The following UNC13B variants were observed in gnomAD, a reference collection of about 807,000 sequenced individuals.
The protein encoded by UNC13B is unc-13 homolog B.
Under a neutral mutation model 211.0 loss-of-function variants are expected in UNC13B, and 144 were observed. The ratio of observed to expected loss-of-function variants is 0.68; its 90% confidence interval spans 0.60 to 0.78. The LOEUF (loss-of-function observed/expected upper bound fraction) is 0.78, where lower values mean the gene tolerates loss of function less well. Among genes scored for constraint, UNC13B ranks in the 30% least tolerant of loss-of-function variants. The pLI is 0.00. For synonymous variants in UNC13B, 709 were observed against 725.8 expected, an observed-to-expected ratio of 0.98 and a Z score of 0.37; for missense variants, 1,777 against 2,002.0, an observed-to-expected ratio of 0.89 and a Z score of 2.14.
At chr9:35,351,990 G>A (rs1193637850) in intron 11 of UNC13B, 35 of 1,232,250 alleles carry the variant, frequency 2.8e-5, no homozygotes, top group South Asian at 4.1e-5. Context: ...GGCATCAGCC[G>A]TCTTCAGACT....
rs1378755782 is a variant in UNC13B, at chr9:35,403,911, A to G, written c.12901A>G (p.Ile4301Val). Residue 4301 changes from isoleucine to valine, a missense_variant, in exon 40 of 40, where the codon ATC (isoleucine) becomes GTC (valine). Transcript: ENST00000635942. Reference protein sequence around the residue: ...CACWCPLGRKIHMDETGLTIL... With the variant: ...CACWCPLGRKVHMDETGLTIL... ...CTGCTGGTGCCCCTTGGGCCGGAAGATCCATATGGATGAGACAGGCCTGAC... is the reference window on the plus strand; with the variant it reads ...CTGCTGGTGCCCCTTGGGCCGGAAGGTCCATATGGATGAGACAGGCCTGAC... 6.2e-7 allele frequency: 1 copy of G among 1,614,104 alleles called. No individual in the cohort carries two copies. Among genetic ancestry groups the G allele is most frequent in the Admixed American group, 1.7e-5 (1 of 60,018 alleles).
chr9:35,328,162 AG>A (rs1831127532), intron 11 of UNC13B, among the ~76,000 whole-genome samples: 1 of 152,140 alleles, frequency 6.6e-6, no homozygotes, highest in Non-Finnish European at 1.5e-5. Flanking sequence ...CTGGGACTAC[AG>A]GCATGTGCCA....
intron 18 of UNC13B, 90 bp from the exon 19 acceptor site, chr9:35,381,010 C>A: frequency 7.7e-7 from 1 of 1,290,568 alleles, no homozygotes; most frequent in Non-Finnish European, 1.1e-6. Context: ...CTTGGGTTGG[C>A]CCCTTCTCTT....
chr9:35,201,012 C>G (rs1189633752), intron 1 of UNC13B, among the ~76,000 whole-genome samples: 1 of 152,134 alleles, frequency 6.6e-6, no homozygotes, highest in Non-Finnish European at 1.5e-5. Flanking sequence ...TATGTCCCAT[C>G]AGTACCTAAT....
At chr9:35,198,930 A>G (rs528335902) in intron 1 of UNC13B, among the ~76,000 whole-genome samples, 3 of 152,286 alleles carry the variant, frequency 2.0e-5, no homozygotes, top group South Asian at 4.1e-4. Context: ...TTACATATGT[A>G]TACATGTGCC....
chr9:35,291,940 C>T (rs1389335039), intron 7 of UNC13B, among the ~76,000 whole-genome samples: 2 of 152,064 alleles, frequency 1.3e-5, no homozygotes, highest in African/African-American at 4.8e-5. Context: ...GCCTAGTGTT[C>T]CATTATTGGA....
chr9:35,233,437 C>T (rs1261614691), intron 3 of UNC13B, among the ~76,000 whole-genome samples: 3 of 152,184 alleles, frequency 2.0e-5, no homozygotes, highest in East Asian at 1.9e-4. Flanking sequence ...TTCTTTTACA[C>T]GTGGGTTTTA....
At chr9:35,316,733 C>G (rs1830477446) in intron 11 of UNC13B, among the ~76,000 whole-genome samples, 1 of 152,122 alleles carries the variant, frequency 6.6e-6, no homozygotes, top group Admixed American at 6.6e-5. Flanking sequence ...CAAAGTTTAA[C>G]AAAATCTCTG....
intron 1 of UNC13B, among the ~76,000 whole-genome samples, chr9:35,167,803 C>G (rs1252442962): frequency 7.4e-6 from 1 of 135,100 alleles, no homozygotes; most frequent in Non-Finnish European, 1.6e-5. Flanking sequence ...GGGGGTTTCA[C>G]TATGTTGGCC....
intron 7 of UNC13B, among the ~76,000 whole-genome samples, chr9:35,284,740 T>A (rs1422973629): frequency 6.6e-6 from 1 of 152,216 alleles, no homozygotes; most frequent in African/African-American, 2.4e-5. Flanking sequence ...GAGAATAATT[T>A]CTAGTGTTTG....
chr9:35,165,004 A>G (rs1236435103), intron 1 of UNC13B, among the ~76,000 whole-genome samples: 1 of 152,204 alleles, frequency 6.6e-6, no homozygotes, highest in Non-Finnish European at 1.5e-5. Flanking sequence ...CAGCTGTGGT[A>G]TTTCCTTCTA....
At chr9:35,294,847 G>C (rs963310889) in intron 7 of UNC13B, among the ~76,000 whole-genome samples, 15 of 152,210 alleles carry the variant, frequency 9.9e-5, no homozygotes, top group African/African-American at 3.6e-4. Context: ...GCGATGATTT[G>C]TAAGTGTGGT....
At chr9:35,221,049 GTGTC>G (rs1375449017) in intron 1 of UNC13B, among the ~76,000 whole-genome samples, 1 of 151,978 alleles carries the variant, frequency 6.6e-6, no homozygotes, top group East Asian at 1.9e-4. Context: ...TGCCATTTGT[GTGTC>G]TGTCTTTTAA....
At chr9:35,317,567 G>A (rs1203605402) in intron 11 of UNC13B, among the ~76,000 whole-genome samples, 1 of 148,116 alleles carries the variant, frequency 6.8e-6, no homozygotes, top group Non-Finnish European at 1.5e-5. Flanking sequence ...CTGTTGCCCA[G>A]GCTGGAATGC....
intron 7 of UNC13B, among the ~76,000 whole-genome samples, chr9:35,277,883 A>G (rs900800392): frequency 7.2e-5 from 11 of 151,932 alleles, no homozygotes; most frequent in Non-Finnish European, 1.2e-4. Context: ...CAATGGGTAC[A>G]CAGTAATACC....
intron 1 of UNC13B, among the ~76,000 whole-genome samples, chr9:35,185,724 A>C (rs1416087781): frequency 1.3e-5 from 2 of 151,826 alleles, no homozygotes. Flanking sequence ...GTTCGAGACC[A>C]GTCTGGCCTA....
chr9:35,376,540 G>A (rs1270435511), intron 15 of UNC13B, among the ~76,000 whole-genome samples: 1 of 152,218 alleles, frequency 6.6e-6, no homozygotes, highest in African/African-American at 2.4e-5. Context: ...GCTTTGTAGT[G>A]TATACAGCAC....
intron 11 of UNC13B, among the ~76,000 whole-genome samples, chr9:35,315,054 ATTT>A (rs1156782392): frequency 7.4e-6 from 1 of 135,378 alleles, no homozygotes; most frequent in Non-Finnish European, 1.6e-5. Context: ...TTTAAAAAAA[ATTT>A]TTTTTTTTTT....
At position 35,397,292 on chromosome 9, in the gene UNC13B, C is replaced by T; in HGVS notation, c.11658C>T (p.Tyr3886=). The T allele has an allele frequency of 6.2e-7, 1 of 1,614,110 alleles. No homozygotes were observed. Among genetic ancestry groups the T allele is most frequent in the Non-Finnish European group, 8.5e-7 (1 of 1,180,012 alleles). ...CAGACCCCAGCATCCTTGCCCACTA[C>T]ATGAGGAGGTTTGCTAAGGTGACCA... ...ECPDPSILAH[Y]MRRFAKTIGK... The change falls in exon 29 of 40, where the codon TAC becomes TAT. Residue 3886 remains tyrosine, a synonymous_variant. Transcript: ENST00000635942.
Sources: allele counts gnomAD v4.1 joint callset (sites outside exome capture counted in the v4.1 genomes callset), GRCh38; gene constraint gnomAD v4.1.1; transcripts MANE v1.5; gene names NCBI Gene and HGNC (gene_info 2026-07-23, HGNC 2026-07-21).